MUC6: variants seen among roughly 807,000 people sequenced by gnomAD.
MUC6 encodes mucin 6, oligomeric mucus/gel-forming (gene/pseudogene).
A neutral mutation model predicts 201.5 loss-of-function variants in MUC6; 188 were observed. The ratio of observed to expected loss-of-function variants is 0.93; its 90% CI spans 0.83 to 1.05. The LOEUF (loss-of-function observed/expected upper bound fraction) is 1.05. MUC6 is among the 50% of genes least tolerant of loss of function. The probability of loss-of-function intolerance (pLI) is 0.00; values close to 1 mark genes in which losing one functional copy is unlikely to be tolerated. For synonymous variants in MUC6, 1,228 were observed against 1,389.4 expected (o/e 0.88, Z 2.58); for missense variants, 2,706 against 3,256.9 (o/e 0.83, Z 4.12).
chr11:1,028,947 G>A lies in MUC6; in HGVS notation c.1395C>T (p.Ile465=), dbSNP rs374514396. The A allele has an allele frequency of 1.2e-5, 19 of 1,613,022 alleles. No individual in the cohort carries two copies. Among genetic ancestry groups the A allele is most frequent in the African/African-American group, 2.7e-5 (2 of 74,948 alleles). The change falls in exon 12 of 33, where the codon ATC becomes ATT. Residue 465 remains isoleucine, a synonymous_variant. Transcript: ENST00000421673. The stretch of plus-strand genomic sequence containing the variant: ...TGTTGGTGACCACCTCGTCCTGAGA[G>A]ATCACAATTTTGTCCTGGAGAGAGG... ...VYLSRQDKIV[I]SQDEVVTNNG...
At chr11:1,025,968 C>T in intron 21 of MUC6, 32 bp downstream of exon 21, 1 of 1,590,012 alleles carries the variant, frequency 6.3e-7, no homozygotes, top group Non-Finnish European at 8.6e-7. Flanking sequence ...CTCTGGGTCC[C>T]CGGCCCCTGC....
chr11:1,030,366 T>TCCCCCCCC, intron 7 of MUC6, 31 bp from the exon 8 acceptor site: 14 of 1,489,498 alleles, frequency 9.4e-6, no homozygotes, highest in South Asian at 2.4e-5. Context: ...GGTGAGAGGG[T>TCCCCCCCC]CCCACCCCCC....
chr11:1,027,812 G>T lies in MUC6; in HGVS notation c.1854C>A (p.Cys618Ter), dbSNP rs752624135. 5 of 1,609,216 alleles carry T rather than the reference G, an allele frequency of 3.1e-6. No individual in the cohort carries two copies. The highest frequency in any genetic ancestry group is 8.5e-7 in the Non-Finnish European group (1 of 1,179,262). Residue 618 changes from cysteine (C) to a stop codon, truncating the protein, a stop_gained, in exon 16 of 33, where the codon TGC (cysteine) becomes TGA (stop). Coordinates refer to ENST00000421673, the MANE Select transcript of MUC6 (RefSeq NM_005961.3). LOFTEE classifies it high-confidence loss of function. ...CCTCGTAGTTGCAGGCCTGGTACAC[G>T]CACCTCTGCGGGCAGAGAGCCAGCA... ...TVNPAPFYKR[C>*]VYQACNYEET...
At chr11:1,032,948 C>G in intron 2 of MUC6, 65 bp downstream of exon 2, 1 of 1,465,714 alleles carries the variant, frequency 6.8e-7, no homozygotes, top group East Asian at 2.3e-5. Context: ...GCTCCGGGCC[C>G]CTCTCTCCTG....
intron 31 of MUC6, among the ~76,000 whole-genome samples, chr11:1,014,584 C>T (rs1856558940): frequency 6.6e-6 from 1 of 152,190 alleles, no homozygotes; most frequent in South Asian, 2.1e-4. Flanking sequence ...GCAGGCAGCA[C>T]AGAGCAGGGT....
Position 1,016,197 on chromosome 11 carries a change from G to A in MUC6, c.6604C>T (p.Pro2202Ser), listed in dbSNP as rs1856604723. 1 of 1,613,374 alleles carries A rather than the reference G, an allele frequency of 6.2e-7. No homozygotes were observed. The highest frequency in any genetic ancestry group is 1.1e-5 in the South Asian group (1 of 91,038). The change falls in exon 31 of 33, where the codon CCA (proline) becomes TCA (serine). Residue 2202 changes from proline to serine, a missense_variant. Transcript: ENST00000421673. ...VSASPLFPSSPAASTTIRATL... is the reference protein window; with the variant it reads ...VSASPLFPSSSAASTTIRATL... The stretch of plus-strand genomic sequence containing the variant: ...GCCCTAATGGTAGTAGAGGCAGCTG[G>A]AGAAGAAGGAAAAAGAGGAGATGCA...
Position 1,013,352 on chromosome 11 carries a change from G to A in MUC6, c.*104C>T. On this transcript the variant is annotated 3_prime_UTR_variant, in exon 33 of 33. Coordinates refer to ENST00000421673, the MANE Select transcript of MUC6 (RefSeq NM_005961.3). ...AGGGCACTTGGGGGCCAGGCCTGGT[G>A]ACCAGGAAAGCAGCTGCTGGCACAA... The A allele has an allele frequency of 7.8e-7, 1 of 1,275,542 alleles. No homozygotes were observed. The highest frequency in any genetic ancestry group is 1.5e-5 in the African/African-American group (1 of 66,662). 79.0% of individuals were successfully genotyped at this position (1,275,542 alleles called of 1,614,324 possible).
chr11:1,013,736 G>A, intron 32 of MUC6, 103 bp from the exon 33 acceptor site: 3 of 1,426,476 alleles, frequency 2.1e-6, no homozygotes, highest in Non-Finnish European at 2.9e-6. Flanking sequence ...CCTCCCCGCT[G>A]AGCTCCCGGC....
chr11:1,031,117 GCCCCCCACCTA>G, intron 5 of MUC6, 41 bp downstream of exon 5: 2 of 1,230,360 alleles, frequency 1.6e-6, no homozygotes, highest in Non-Finnish European at 2.1e-6. Context: ...CCCCTGCCCT[GCCCCCCACCTA>G]GAGGCCCCCC....
intron 22 of MUC6, 120 bp from the exon 23 acceptor site, chr11:1,025,487 C>T: frequency 8.1e-6 from 10 of 1,235,484 alleles, no homozygotes; most frequent in South Asian, 5.7e-5. Flanking sequence ...TGCACAGGAG[C>T]GCCTGCTGAG....
At position 1,029,132 on chromosome 11, in the gene MUC6, C is replaced by T; in HGVS notation, c.1294G>A (p.Asp432Asn). The change falls in exon 11 of 33, where the codon GAC becomes AAC. Residue 432 changes from aspartate to asparagine, a missense_variant. Asp to Asn is a conservative substitution (Grantham distance 23). This residue lies in a region of MUC6 where 1,850 missense variants were observed against 1,958.3 expected (regional missense o/e 0.94). Transcript: ENST00000421673. Reference protein sequence around the residue: ...ILLQSPQLPEDGALMAVYDKS... With the variant: ...ILLQSPQLPENGALMAVYDKS... ...TCGTACACAGCCATGAGGGCACCGT[C>T]CTCGGGAAGCTGGGGGCTCTGCGAG... The T allele has an allele frequency of 1.2e-6, 2 of 1,612,250 alleles. No homozygotes were observed. The highest frequency in any genetic ancestry group is 1.7e-6 in the Non-Finnish European group (2 of 1,179,650).
intron 9 of MUC6, 24 bp downstream of exon 9, chr11:1,029,471 A>G (rs1028060665): frequency 1.2e-6 from 2 of 1,610,620 alleles, no homozygotes; most frequent in South Asian, 1.1e-5. Context: ...GGCCGGCCAG[A>G]GCCCCCTCCG....
Position 1,027,706 on chromosome 11 carries a change from T to C in MUC6, c.1960A>G (p.Arg654Gly). 1 of 1,603,522 alleles carries C rather than the reference T, an allele frequency of 6.2e-7. No homozygotes were observed. Among genetic ancestry groups the C allele is most frequent in the Non-Finnish European group, 8.5e-7 (1 of 1,175,788 alleles). The change falls in exon 16 of 33, where the codon AGA becomes GGA. Residue 654 changes from arginine to glycine, a missense_variant. This residue lies in a region of MUC6 where 1,850 missense variants were observed against 1,958.3 expected (regional missense o/e 0.94). Transcript: ENST00000421673. The part of the protein sequence containing the change: ...SLRGVLLWGW[R>G]SSVDNCTIPC... ...TCACTGCAGTTGTCCACACTGCTTC[T>C]CCAGCCCCAGAGCAGGACGCCCCGC...
chr11:1,029,180 G>A, intron 10 of MUC6, 30 bp from the exon 11 acceptor site: 1 of 1,606,078 alleles, frequency 6.2e-7, no homozygotes, highest in Non-Finnish European at 8.5e-7. Context: ...AGACACGGGT[G>A]GGGTCACCGG....
At position 1,032,061 on chromosome 11, in the gene MUC6, G is replaced by A. The variant is rs369353556; in HGVS notation, c.116-8C>T. 6.2e-7 allele frequency: 1 copy of A among 1,612,644 alleles called. No homozygotes were observed. Among genetic ancestry groups the A allele is most frequent in the Non-Finnish European group, 8.5e-7 (1 of 1,179,660 alleles). ...ACTGGCCTTTGTCCGGGGCTACAGA[G>A]AGAGCAGTGCTCACACAGCCCTGTG... On this transcript the variant is annotated splice_polypyrimidine_tract_variant and splice_region_variant and intron_variant, in intron 2 of 32. Transcript: ENST00000421673.
At position 1,020,143 on chromosome 11, in the gene MUC6, G is replaced by A; in HGVS notation, c.3755C>T (p.Thr1252Ile). 1 of 1,613,358 alleles carries A rather than the reference G, an allele frequency of 6.2e-7. No individual in the cohort carries two copies. Among genetic ancestry groups the A allele is most frequent in the Non-Finnish European group, 8.5e-7 (1 of 1,179,844 alleles). Residue 1252 changes from threonine (T) to isoleucine (I), a missense_variant, in exon 29 of 33, where the codon ACA becomes ATA. By Grantham distance (89) the Thr-to-Ile change is moderately conservative (BLOSUM62 -1). Transcript: ENST00000421673. ...SNHTPASPTQ[T>I]PLLPATLTSS... ...TGTGAGCGTGGCTGGAAGGAGGGGTGTCTGGGTGGGGCTGGCAGGGGTGTG... is the reference window on the plus strand; with the variant it reads ...TGTGAGCGTGGCTGGAAGGAGGGGTATCTGGGTGGGGCTGGCAGGGGTGTG...
At chr11:1,013,688 C>A in intron 32 of MUC6, 55 bp from the exon 33 acceptor site, 1 of 1,518,984 alleles carries the variant, frequency 6.6e-7, no homozygotes, top group Non-Finnish European at 8.9e-7. Flanking sequence ...GCATAAGGCC[C>A]CTCCCTCCCC....
intron 26 of MUC6, 21 bp from the exon 27 acceptor site, chr11:1,021,298 G>A: frequency 6.6e-7 from 1 of 1,507,744 alleles, no homozygotes; most frequent in Non-Finnish European, 8.9e-7. Context: ...GAACGGCCAG[G>A]GTCTGTGTGA....
chr11:1,030,348 G>A lies in MUC6; in HGVS notation c.893-13C>T, dbSNP rs368380462. The A allele has an allele frequency of 5.5e-5, 85 of 1,546,436 alleles. No homozygotes were observed. In the African/African-American group the frequency reaches 1.0e-3, roughly 19 times the overall value. On this transcript the variant is annotated splice_polypyrimidine_tract_variant and intron_variant, in intron 7 of 32. Coordinates refer to ENST00000421673, the MANE Select transcript of MUC6 (RefSeq NM_005961.3). Reference sequence around the variant, plus strand: ...CACTGACCCACGGCTGTGGGCACACGCGGCTCCGGTGAGAGGGTCCCACCC... The same window carrying A: ...CACTGACCCACGGCTGTGGGCACACACGGCTCCGGTGAGAGGGTCCCACCC...
Sources: gnomAD v4.1 joint callset for allele counts (sites outside exome capture counted in the v4.1 genomes callset) on GRCh38, gnomAD v4.1.1 for gene constraint, gnomAD v4.1.1 regional missense constraint, MANE v1.5 for transcripts, NCBI Gene and HGNC (gene_info 2026-07-23, HGNC 2026-07-21) for gene names.